MECOM: variants seen among roughly 807,000 people sequenced by gnomAD.
The protein encoded by MECOM is MDS1 and EVI1 complex locus.
In MECOM, 13 loss-of-function variants were observed where a neutral mutation model predicts 116.3. That is an observed-to-expected ratio of 0.11 (90% confidence interval 0.07 to 0.18). The LOEUF is 0.18. Ranked by LOEUF, MECOM falls within the 10% of genes least tolerant of loss-of-function variation. The pLI is 1.00. For synonymous variants in MECOM, 528 were observed against 535.2 expected (o/e 0.99, Z 0.19); for missense variants, 1,299 against 1,509.0 (o/e 0.86, Z 2.31).
chr3:169,298,311 G>A (rs987604524), intron 2 of MECOM, among the ~76,000 whole-genome samples: 1 of 151,690 alleles, frequency 6.6e-6, no homozygotes, highest in African/African-American at 2.4e-5. Context: ...AGACACATAT[G>A]GTTCTCTCTT....
chr3:169,428,245 G>T (rs1327118906), intron 1 of MECOM, among the ~76,000 whole-genome samples: 1 of 152,178 alleles, frequency 6.6e-6, no homozygotes, highest in Admixed American at 6.5e-5. Context: ...TAAGCCAGTG[G>T]TCCCCAACCT....
At chr3:169,457,265 C>T (rs904377740) in intron 1 of MECOM, among the ~76,000 whole-genome samples, 2 of 152,140 alleles carry the variant, frequency 1.3e-5, no homozygotes, top group African/African-American at 2.4e-5. Flanking sequence ...AGAGGCTACT[C>T]ATTGTTGAGA....
intron 1 of MECOM, among the ~76,000 whole-genome samples, chr3:169,434,743 A>G (rs1742354183): frequency 6.6e-6 from 1 of 152,136 alleles, no homozygotes; most frequent in African/African-American, 2.4e-5. Context: ...AGATGTTTTT[A>G]TTTTTAAAGA....
intron 1 of MECOM, among the ~76,000 whole-genome samples, chr3:169,419,001 G>A (rs1172308153): frequency 6.6e-6 from 1 of 152,128 alleles, no homozygotes; most frequent in Non-Finnish European, 1.5e-5. Flanking sequence ...AAAACACATT[G>A]TCTCTGTCCA....
chr3:169,216,115 G>A (rs564400577), intron 2 of MECOM, among the ~76,000 whole-genome samples: 1 of 152,196 alleles, frequency 6.6e-6, no homozygotes, highest in African/African-American at 2.4e-5. Context: ...CTGGACCTCT[G>A]AGTAGAGTCA....
chr3:169,202,244 A>G (rs987837601), intron 2 of MECOM, among the ~76,000 whole-genome samples: 3 of 152,292 alleles, frequency 2.0e-5, no homozygotes, highest in South Asian at 2.1e-4. Flanking sequence ...TTGGTTTTTT[A>G]ATTAAAACCA....
intron 2 of MECOM, among the ~76,000 whole-genome samples, chr3:169,200,347 C>T (rs1466963289): frequency 6.6e-6 from 1 of 152,068 alleles, no homozygotes; most frequent in Non-Finnish European, 1.5e-5. Flanking sequence ...CACTTTTCGT[C>T]TCTACATTCA....
intron 2 of MECOM, among the ~76,000 whole-genome samples, chr3:169,260,180 T>C (rs1757373501): frequency 6.6e-6 from 1 of 152,234 alleles, no homozygotes; most frequent in Non-Finnish European, 1.5e-5. Flanking sequence ...CCCTGACATT[T>C]GGTCCACTAA....
intron 2 of MECOM, among the ~76,000 whole-genome samples, chr3:169,315,921 G>C (rs771391063): frequency 2.1e-4 from 32 of 151,990 alleles, no homozygotes; most frequent in Non-Finnish European, 4.1e-4. Flanking sequence ...GCCTAACACA[G>C]GTAAAGTCAA....
chr3:169,266,258 T>C (rs983045780), intron 2 of MECOM, among the ~76,000 whole-genome samples: 1 of 152,164 alleles, frequency 6.6e-6, no homozygotes, highest in African/African-American at 2.4e-5. Flanking sequence ...AACTTCTCCT[T>C]GGTGTTGCCC....
In MECOM at chr3:169,143,937, T is replaced by G. The variant is rs9843096; in HGVS notation, c.376-105A>C. 4,911 of 1,315,818 alleles carry G rather than the reference T, an allele frequency of 3.7e-3. 160 individuals carry two copies. The African/African-American group carries it at 0.067, about 18-fold the overall frequency. The allele number at this position is 1,315,818 out of a possible 1,614,324, so 81.5% of individuals were successfully genotyped here. On this transcript the variant is annotated intron_variant, in intron 2 of 16. Coordinates refer to ENST00000651503, the MANE Select transcript of MECOM (RefSeq NM_004991.4). ...TTGAAATGTATATTCCTTCTTTGGATCCTTAAAAAAAGTCAGATCACAAGC... is the reference window on the plus strand; with the variant it reads ...TTGAAATGTATATTCCTTCTTTGGAGCCTTAAAAAAAGTCAGATCACAAGC...
intron 1 of MECOM, among the ~76,000 whole-genome samples, chr3:169,435,948 C>A (rs1289393899): frequency 6.6e-6 from 1 of 152,158 alleles, no homozygotes; most frequent in Non-Finnish European, 1.5e-5. Context: ...AAAACTTGAT[C>A]ATTCTTCAAT....
At position 169,107,946 on chromosome 3, in the gene MECOM, G is replaced by A; in HGVS notation, c.2584C>T (p.Leu862=). ...CTTACCCAAGTTCTCTGATCAGGCA[G>A]TTGGAACTGGGAGCAAAATTGAAAC... ...PGFLFHPQFQ[L]PDQRTWMSAI... The change falls in exon 10 of 17, where the codon CTG becomes TTG. Residue 862 remains leucine (L), a synonymous_variant. Coordinates refer to ENST00000651503, the MANE Select transcript of MECOM (RefSeq NM_004991.4). The A allele has an allele frequency of 7.4e-6, 12 of 1,612,772 alleles. No homozygotes were observed. Among genetic ancestry groups the A allele is most frequent in the Non-Finnish European group, 9.3e-6 (11 of 1,179,252 alleles).
At chr3:169,214,942 A>G (rs1169423800) in intron 2 of MECOM, among the ~76,000 whole-genome samples, 1 of 148,876 alleles carries the variant, frequency 6.7e-6, no homozygotes, top group African/African-American at 2.4e-5. Flanking sequence ...ACATATATAT[A>G]ATGTGAATAC....
At chr3:169,497,707 T>C (rs1008714060) in intron 1 of MECOM, among the ~76,000 whole-genome samples, 1 of 152,172 alleles carries the variant, frequency 6.6e-6, no homozygotes, top group Non-Finnish European at 1.5e-5. Context: ...AAAACAAACA[T>C]CCTAAAGCAT....
At position 169,455,951 on chromosome 3, in the gene MECOM, G is replaced by A. The variant is rs560707533; in HGVS notation, c.38-74427C>T. ...GAGCCTAGTCCAAGCCAGAGGCTGC[G>A]AACTAGGCAGTCTTTGGCCTGCAAA... On this transcript the variant is annotated intron_variant, in intron 1 of 16. Coordinates refer to ENST00000651503, the MANE Select transcript of MECOM (RefSeq NM_004991.4). 3.3e-4 allele frequency among the ~76,000 whole-genome samples: 50 copies of A among 152,254 alleles called. No homozygotes were observed. In the South Asian group the frequency reaches 3.9e-3, roughly 12 times the overall value.
At chr3:169,140,451 C>T (rs2149267257) in intron 3 of MECOM, among the ~76,000 whole-genome samples, 1 of 152,132 alleles carries the variant, frequency 6.6e-6, no homozygotes, top group South Asian at 2.1e-4. Flanking sequence ...AGGTAAATTA[C>T]TGTAGTTAAT....
At chr3:169,450,337 C>T (rs1035194855) in intron 1 of MECOM, among the ~76,000 whole-genome samples, 2 of 152,080 alleles carry the variant, frequency 1.3e-5, no homozygotes, top group Non-Finnish European at 1.5e-5. Flanking sequence ...AACAAATCAG[C>T]AGTCTAAAGC....
At chr3:169,202,904 A>T (rs892385890) in intron 2 of MECOM, among the ~76,000 whole-genome samples, 5 of 151,370 alleles carry the variant, frequency 3.3e-5, no homozygotes, top group African/African-American at 1.2e-4. Context: ...AAGCAGATGG[A>T]TTTATTAGGT....
Sources: gnomAD v4.1 joint callset for allele counts (sites outside exome capture counted in the v4.1 genomes callset) on GRCh38, gnomAD v4.1.1 for gene constraint, MANE v1.5 for transcripts, NCBI Gene and HGNC (gene_info 2026-07-23, HGNC 2026-07-21) for gene names.